Variants in ARHGAP20 observed in about 807,000 individuals in gnomAD.
ARHGAP20 encodes the protein Rho GTPase activating protein 20.
A neutral mutation model predicts 73.7 loss-of-function variants in ARHGAP20; 34 were observed. That is an observed-to-expected ratio of 0.46 (90% CI 0.35 to 0.61). ARHGAP20 has a LOEUF of 0.61. Among genes scored for constraint, ARHGAP20 ranks in the 20% least tolerant of loss-of-function variants. The pLI is 0.00. For synonymous variants in ARHGAP20, 523 were observed against 518.2 expected (o/e 1.01, Z -0.13); for missense variants, 1,314 against 1,420.9 (o/e 0.92, Z 1.21).
chr11:110,614,979 A>G (rs1429503786), intron 5 of ARHGAP20, among the ~76,000 whole-genome samples: 3 of 152,164 alleles, frequency 2.0e-5, no homozygotes, highest in Non-Finnish European at 4.4e-5. Flanking sequence ...AACATATATA[A>G]TAAATATTTT....
rs1947806985 is a variant in ARHGAP20, at chr11:110,590,807, A to G, written c.1146T>C (p.Asp382=). The G allele has an allele frequency of 6.2e-7, 1 of 1,612,222 alleles. No individual in the cohort carries two copies. Among genetic ancestry groups the G allele is most frequent in the Non-Finnish European group, 8.5e-7 (1 of 1,179,476 alleles). ...ENDNLPKPVL[D]MLFFLNQKGP... ...CTTTTTGATTAAGAAAGAAAAGCAT[A>G]TCCTATGGGGAAGCAAAGGAAAATA... Residue 382 remains aspartate, a splice_region_variant and synonymous_variant, in exon 11 of 15, where the codon GAT becomes GAC. Coordinates refer to ENST00000683387, the MANE Select transcript of ARHGAP20 (RefSeq NM_001384657.1).
chr11:110,605,694 T>G (rs1008143270), intron 9 of ARHGAP20, among the ~76,000 whole-genome samples: 1 of 152,210 alleles, frequency 6.6e-6, no homozygotes, highest in African/African-American at 2.4e-5. Flanking sequence ...TTTCAGACTT[T>G]CCCCTGGCAC....
At chr11:110,679,792 T>C (rs544423557) in intron 2 of ARHGAP20, among the ~76,000 whole-genome samples, 9 of 152,296 alleles carry the variant, frequency 5.9e-5, no homozygotes, top group Admixed American at 5.2e-4. Flanking sequence ...CTGTGTTTTC[T>C]CATCATACTC....
intron 1 of ARHGAP20, among the ~76,000 whole-genome samples, chr11:110,707,027 G>A (rs187164456): frequency 1.3e-5 from 2 of 152,140 alleles, no homozygotes; most frequent in South Asian, 4.1e-4. Context: ...GCCCTTGGGG[G>A]TGTTCTACCA....
At position 110,579,560 on chromosome 11, in the gene ARHGAP20, A is replaced by G. The variant is rs775605659; in HGVS notation, c.3386T>C (p.Val1129Ala). The change falls in exon 15 of 15, where the codon GTG becomes GCG. Residue 1129 changes from valine (V) to alanine (A), a missense_variant. Around this residue, in one of 3 missense-constraint regions of ARHGAP20, gnomAD observed 641 missense variants for 636.9 expected, o/e 1.01. Transcript: ENST00000683387. The part of the protein sequence containing the change: ...ERHCSSPFSL[V>A]ESRLKLCMKS... ...CATGCACAGCTTAAGTCTGCTCTCCACCAGGCTGAATGGAGAGCTACAGTG... is the reference window on the plus strand; with the variant it reads ...CATGCACAGCTTAAGTCTGCTCTCCGCCAGGCTGAATGGAGAGCTACAGTG... 39 of 1,613,810 alleles carry G rather than the reference A, an allele frequency of 2.4e-5. No individual in the cohort carries two copies. In the South Asian group the frequency reaches 4.3e-4, roughly 18 times the overall value.
At position 110,605,655 on chromosome 11, in the gene ARHGAP20, T is replaced by C. The variant is rs1490368705; in HGVS notation, c.964+906A>G. ...ATGAGCTAATTTTTCATTAATGCTATGTCAGTTGAATCACACACAGATGAA... is the reference window on the plus strand; with the variant it reads ...ATGAGCTAATTTTTCATTAATGCTACGTCAGTTGAATCACACACAGATGAA... On this transcript the variant is annotated intron_variant, in intron 9 of 14. Coordinates refer to ENST00000683387, the MANE Select transcript of ARHGAP20 (RefSeq NM_001384657.1). Among the ~76,000 whole-genome samples, 5 of 152,252 alleles carry C rather than the reference T, an allele frequency of 3.3e-5. No homozygotes were observed. The East Asian group carries it at 5.8e-4, about 18-fold the overall frequency.
In ARHGAP20 at chr11:110,577,887, A is replaced by G; in HGVS notation, c.*1483T>C. The G allele has an allele frequency of 1.0e-6, 1 of 985,808 alleles. No homozygotes were observed. The highest frequency in any genetic ancestry group is 1.2e-6 in the Non-Finnish European group (1 of 829,846). The allele number at this position is 985,808 out of a possible 1,614,324, so 61.1% of individuals were successfully genotyped here. A position where few individuals can be genotyped will look rare whatever the true frequency, so the allele number is the denominator to read the frequency against. On this transcript the variant is annotated 3_prime_UTR_variant, in exon 15 of 15. Coordinates refer to ENST00000683387, the MANE Select transcript of ARHGAP20 (RefSeq NM_001384657.1). ...GCAACCTTTAGAACAAAAAAGAAAG[A>G]ACATTTGATATGACCATTTTCTGGT...
In ARHGAP20 at chr11:110,595,985, T is replaced by C. The variant is rs887874652; in HGVS notation, c.965-3830A>G. On this transcript the variant is annotated intron_variant, in intron 9 of 14. Coordinates refer to ENST00000683387, the MANE Select transcript of ARHGAP20 (RefSeq NM_001384657.1). ...AACAGAACAGAGCACTTAGAAATAA[T>C]GCCACATGTCTACAACTATCTGATC... Among the ~76,000 whole-genome samples the C allele has an allele frequency of 2.0e-5, 3 of 152,022 alleles. No individual in the cohort carries two copies. In the East Asian group the frequency reaches 5.8e-4, roughly 29 times the overall value.
At chr11:110,623,740 C>T (rs1948677183) in intron 4 of ARHGAP20, among the ~76,000 whole-genome samples, 1 of 152,130 alleles carries the variant, frequency 6.6e-6, no homozygotes, top group African/African-American at 2.4e-5. Context: ...GACTTGAAAG[C>T]TCAATACGTA....
intron 4 of ARHGAP20, among the ~76,000 whole-genome samples, chr11:110,622,083 T>C (rs1948641426): frequency 6.6e-6 from 1 of 152,226 alleles, no homozygotes; most frequent in East Asian, 1.9e-4. Context: ...GCTACTTTCC[T>C]TTTTGAGATT....
intron 10 of ARHGAP20, 22 bp from the exon 11 acceptor site, chr11:110,590,831 TAAAC>T (rs1947808347): frequency 3.1e-6 from 5 of 1,604,886 alleles, no homozygotes; most frequent in Non-Finnish European, 3.4e-6. Context: ...CAAAGGAAAA[TAAAC>T]AAAATGACAC....
intron 1 of ARHGAP20, among the ~76,000 whole-genome samples, chr11:110,708,617 C>A (rs1271286988): frequency 6.6e-6 from 1 of 151,940 alleles, no homozygotes; most frequent in Non-Finnish European, 1.5e-5. Context: ...TTGAATGAAA[C>A]AAGCCAGACA....
intron 1 of ARHGAP20, among the ~76,000 whole-genome samples, chr11:110,706,295 C>T (rs1190078299): frequency 1.3e-5 from 2 of 152,206 alleles, no homozygotes; most frequent in African/African-American, 4.8e-5. Context: ...AGTTTTGCCA[C>T]TTACTACACT....
chr11:110,579,624 G>A lies in ARHGAP20; in HGVS notation c.3322C>T (p.Gln1108Ter). The A allele has an allele frequency of 6.2e-7, 1 of 1,614,160 alleles. No individual in the cohort carries two copies. The highest frequency in any genetic ancestry group is 8.5e-7 in the Non-Finnish European group (1 of 1,180,028). Reference protein sequence around the residue: ...AEGLSPVQSAQRCSSSPFQDS... With the variant: ...AEGLSPVQSA ...TGGAAGGGAGAAGAACTACACCTTT[G>A]GGCTGACTGCACAGGGGACAGTCCT... Residue 1108 changes from glutamine (Q) to a stop codon, truncating the protein, a stop_gained, in exon 15 of 15, where the codon CAA (glutamine) becomes TAA (stop). Transcript: ENST00000683387. LOFTEE classifies it low-confidence loss of function (END_TRUNC).
rs567897381 is a variant in ARHGAP20, at chr11:110,627,101, T to A, written c.354-2790A>T. Among the ~76,000 whole-genome samples the A allele has an allele frequency of 5.3e-5, 8 of 152,246 alleles. No homozygotes were observed. In the East Asian group the frequency reaches 5.8e-4, roughly 11 times the overall value. ...AAAACCCCCTAAAAATATATATATT[T>A]TTTTGAGACAGAGTTTCGCTCTTGT... On this transcript the variant is annotated intron_variant, in intron 3 of 14. Transcript: ENST00000683387.
At position 110,712,247 on chromosome 11, in the gene ARHGAP20, A is replaced by G. The variant is rs1222653972; in HGVS notation, c.-16T>C. 1 of 1,329,718 alleles carries G rather than the reference A, an allele frequency of 7.5e-7. No individual in the cohort carries two copies. Among genetic ancestry groups the G allele is most frequent in the Admixed American group, 3.2e-5 (1 of 31,352 alleles). 82.4% of individuals were successfully genotyped at this position (1,329,718 alleles called of 1,614,324 possible). ...TCGCTTCCATGAAGAAAATCTTCAA[A>G]CAAATCCCAGCCCAGGAGGAGGCTA... On this transcript the variant is annotated 5_prime_UTR_variant, in exon 1 of 15. Coordinates refer to ENST00000683387, the MANE Select transcript of ARHGAP20 (RefSeq NM_001384657.1).
chr11:110,653,664 C>CACCAG, intron 2 of ARHGAP20, among the ~76,000 whole-genome samples: 1 of 152,296 alleles, frequency 6.6e-6, no homozygotes, highest in East Asian at 1.9e-4. Context: ...GACAGTGTGG[C>CACCAG]AATTCCTCAA....
At chr11:110,708,225 G>C (rs1192094046) in intron 1 of ARHGAP20, among the ~76,000 whole-genome samples, 1 of 152,088 alleles carries the variant, frequency 6.6e-6, no homozygotes, top group East Asian at 1.9e-4. Flanking sequence ...CCATTAAGAT[G>C]ACTGTAATCA....
chr11:110,666,604 TA>T (rs1949728985), intron 2 of ARHGAP20, among the ~76,000 whole-genome samples: 1 of 152,220 alleles, frequency 6.6e-6, no homozygotes, highest in Non-Finnish European at 1.5e-5. Flanking sequence ...TTACATTTTT[TA>T]CAAATTGAAA....
Sources: gnomAD v4.1 joint callset for allele counts (sites outside exome capture counted in the v4.1 genomes callset) on GRCh38, gnomAD v4.1.1 for gene constraint, gnomAD v4.1.1 regional missense constraint, MANE v1.5 for transcripts, NCBI Gene and HGNC (gene_info 2026-07-23, HGNC 2026-07-21) for gene names.